Variants in VCP observed in about 807,000 individuals in gnomAD.
VCP encodes the protein transitional endoplasmic reticulum ATPase.
In VCP, 6 loss-of-function variants were observed where a neutral mutation model predicts 85.7. The observed-to-expected ratio is 0.07, with a 90% CI of 0.04 to 0.14. VCP has a LOEUF of 0.14. Among genes scored for constraint, VCP ranks in the 10% least tolerant of loss-of-function variants. The pLI, the probability that VCP is intolerant of heterozygous loss-of-function variation, is 1.00. For synonymous variants in VCP, 384 were observed against 367.1 expected (o/e 1.05, Z -0.53); for missense variants, 353 against 1,043.4 (o/e 0.34, Z 9.12).
At position 35,057,193 on chromosome 9, in the gene VCP, C is replaced by A. The variant is rs1828626335; in HGVS notation, c.2345G>T (p.Gly782Val). The change falls in exon 17 of 17, where the codon GGC (glycine) becomes GTC (valine). Residue 782 changes from glycine (G) to valine (V), a missense_variant. Coordinates refer to ENST00000358901, the MANE Select transcript of VCP (RefSeq NM_007126.5). ...RFPSGNQGGA[G>V]PSQGSGGGTG... The stretch of plus-strand genomic sequence containing the variant: ...GCCGCCTCCACTGCCCTGACTGGGG[C>A]CAGCTCCACCCTGGTTCCCTGAAGG... 4 of 1,614,206 alleles carry A rather than the reference C, an allele frequency of 2.5e-6. No homozygotes were observed. Among genetic ancestry groups the A allele is most frequent in the Non-Finnish European group, 3.4e-6 (4 of 1,180,044 alleles).
At chr9:35,058,208 AGTT>A (rs997585900) in intron 15 of VCP, among the ~76,000 whole-genome samples, 6 of 152,188 alleles carry the variant, frequency 3.9e-5, no homozygotes, top group African/African-American at 1.4e-4. Context: ...GTTCATCAGT[AGTT>A]GTTAAGCTTT....
chr9:35,071,220 G>A (rs1179982847), intron 1 of VCP, among the ~76,000 whole-genome samples: 1 of 149,640 alleles, frequency 6.7e-6, no homozygotes, highest in East Asian at 2.0e-4. Context: ...TTGAGAAAAA[G>A]GAACACACCT....
In VCP at chr9:35,062,325, A is replaced by G; in HGVS notation, c.837T>C (p.Ala279=). ...TACGAAGGTTGCTCTCAGACTCACC[A>G]GCCAATTTGCTCATGATCTCAGGAC... ...INGPEIMSKL[A]GESESNLRKA... The change falls in exon 8 of 17, where the codon GCT becomes GCC. Residue 279 remains alanine, a synonymous_variant. Coordinates refer to ENST00000358901, the MANE Select transcript of VCP (RefSeq NM_007126.5). 6.2e-7 allele frequency: 1 copy of G among 1,614,188 alleles called. No homozygotes were observed. The highest frequency in any genetic ancestry group is 8.5e-7 in the Non-Finnish European group (1 of 1,180,040).
At chr9:35,061,515 C>G in intron 10 of VCP, 62 bp downstream of exon 10, 3 of 1,450,940 alleles carry the variant, frequency 2.1e-6, no homozygotes, top group South Asian at 1.1e-5. Flanking sequence ...ATGTCTCTAG[C>G]CAGTTCCCAG....
At chr9:35,065,517 A>G (rs914815656) in intron 4 of VCP, 136 bp from the exon 5 acceptor site, 20 of 1,115,746 alleles carry the variant, frequency 1.8e-5, no homozygotes, top group East Asian at 7.7e-5. Context: ...CCTCTCCCCA[A>G]CTCCACCCCA....
In VCP at chr9:35,065,241, G is replaced by A. The variant is rs757728490; in HGVS notation, c.576+10C>T. 6 of 1,614,018 alleles carry A rather than the reference G, an allele frequency of 3.7e-6. No homozygotes were observed. In the African/African-American group the frequency reaches 8.0e-5, roughly 22 times the overall value. Reference sequence around the variant, plus strand: ...TAAAATCGGATACTGGAATCAGGGAGAAAACTCACCTCTCGTTTGATAGGC... The same window carrying A: ...TAAAATCGGATACTGGAATCAGGGAAAAAACTCACCTCTCGTTTGATAGGC... On this transcript the variant is annotated intron_variant, in intron 5 of 16. Coordinates refer to ENST00000358901, the MANE Select transcript of VCP (RefSeq NM_007126.5).
In VCP at chr9:35,066,891, G is replaced by A. The variant is rs906376036; in HGVS notation, c.303-74C>T. 8 of 1,607,288 alleles carry A rather than the reference G, an allele frequency of 5.0e-6. No homozygotes were observed. The African/African-American group carries it at 9.4e-5, about 19-fold the overall frequency. On this transcript the variant is annotated intron_variant, in intron 3 of 16. Coordinates refer to ENST00000358901, the MANE Select transcript of VCP (RefSeq NM_007126.5). ...AGCACTGGGTGTCCAAAAGGGCCTGGCACAGATAGCTGATAGTAAGTGAAA... is the reference window on the plus strand; with the variant it reads ...AGCACTGGGTGTCCAAAAGGGCCTGACACAGATAGCTGATAGTAAGTGAAA...
intron 9 of VCP, 46 bp from the exon 10 acceptor site, chr9:35,061,735 G>A (rs371819773): frequency 1.3e-6 from 2 of 1,523,572 alleles, no homozygotes; most frequent in African/African-American, 1.4e-5. Flanking sequence ...CTCTAGTCCA[G>A]AGGTAAGAGA....
intron 1 of VCP, among the ~76,000 whole-genome samples, chr9:35,068,840 T>A (rs747942668): frequency 1.3e-5 from 2 of 152,198 alleles, no homozygotes; most frequent in Non-Finnish European, 2.9e-5. Context: ...AAAGAAGGAA[T>A]ATAATACTTA....
chr9:35,069,401 C>T (rs564539001), intron 1 of VCP, among the ~76,000 whole-genome samples: 2 of 151,374 alleles, frequency 1.3e-5, no homozygotes, highest in East Asian at 1.9e-4. Context: ...TTACCTAGCC[C>T]GTTTCCAGCT....
chr9:35,068,478 G>A, intron 1 of VCP, 116 bp from the exon 2 acceptor site: 1 of 984,332 alleles, frequency 1.0e-6, no homozygotes, highest in African/African-American at 1.6e-5. Flanking sequence ...AGACCAGAAA[G>A]CTCAGATGAA....
chr9:35,064,115 C>G (rs781569592), intron 6 of VCP, 39 bp downstream of exon 6: 2 of 1,613,754 alleles, frequency 1.2e-6, no homozygotes, highest in Non-Finnish European at 1.7e-6. Flanking sequence ...TAGACATTGG[C>G]ACCACTTTAG....
Position 35,059,976 on chromosome 9 carries a change from T to C in VCP, c.1696-175A>G. The C allele has an allele frequency of 1.2e-6, 1 of 824,238 alleles. No individual in the cohort carries two copies. Among genetic ancestry groups the C allele is most frequent in the East Asian group, 2.7e-5 (1 of 37,492 alleles). 51.1% of individuals were successfully genotyped at this position (824,238 alleles called of 1,614,324 possible). On this transcript the variant is annotated intron_variant, in intron 13 of 16. Coordinates refer to ENST00000358901, the MANE Select transcript of VCP (RefSeq NM_007126.5). The surrounding 1 kb of genome is among the most constrained non-coding windows in gnomAD (Gnocchi z 4.9). Reference sequence around the variant, plus strand: ...ACTGAGACTTTGTCTCTACAAAAAATAAAAAATTAGCCAGATGTGGTGACG... The same window carrying C: ...ACTGAGACTTTGTCTCTACAAAAAACAAAAAATTAGCCAGATGTGGTGACG...
chr9:35,070,873 G>A (rs1563982420), intron 1 of VCP, among the ~76,000 whole-genome samples: 1 of 152,204 alleles, frequency 6.6e-6, no homozygotes, highest in East Asian at 1.9e-4. Context: ...TACCTACTGA[G>A]ATCAGATGTG....
At chr9:35,065,190 C>A in intron 5 of VCP, 61 bp downstream of exon 5, 1 of 1,612,286 alleles carries the variant, frequency 6.2e-7, no homozygotes, top group South Asian at 1.1e-5. Context: ...CTGACAGTTA[C>A]CACATGATGC....
Position 35,059,862 on chromosome 9 carries a change from G to C in VCP, c.1696-61C>G. The C allele has an allele frequency of 1.9e-6, 3 of 1,608,772 alleles. No individual in the cohort carries two copies. Among genetic ancestry groups the C allele is most frequent in the Non-Finnish European group, 1.7e-6 (2 of 1,175,944 alleles). On this transcript the variant is annotated intron_variant, in intron 13 of 16. Transcript: ENST00000358901. This position sits in a 1 kb window ranked among gnomAD's most constrained non-coding sequence, Gnocchi z 4.9. ...AACTAGATGTCTCTAGGCAAACGTG[G>C]TGGCTCACACCTGTATTCCCAGCAC...
intron 1 of VCP, chr9:35,072,059 C>G (rs1223119762): frequency 1.6e-6 from 2 of 1,264,236 alleles, no homozygotes; most frequent in Admixed American, 9.1e-5. Context: ...TCTAAGGGAG[C>G]CAATCGGGCG....
chr9:35,066,958 A>C, intron 3 of VCP, 141 bp from the exon 4 acceptor site: 1 of 1,367,196 alleles, frequency 7.3e-7, no homozygotes, highest in South Asian at 1.2e-5. Flanking sequence ...AGGAAGGAGA[A>C]CAGGGTGGAA....
chr9:35,071,075 T>C lies in VCP; in HGVS notation c.17+1262A>G, dbSNP rs10118503. 9.2e-3 allele frequency among the ~76,000 whole-genome samples: 1,395 copies of C among 152,332 alleles called. 21 individuals are homozygous for C. Among genetic ancestry groups the C allele is most frequent in the African/African-American group, 0.031 (1,290 of 41,566 alleles). On this transcript the variant is annotated intron_variant, in intron 1 of 16. Transcript: ENST00000358901. ...CCAAGAGGTTAGAAACAGCTGATGA[T>C]GCCAGGTTCCAAGAATTTTAGATTT...
Sources: allele counts gnomAD v4.1 joint callset (sites outside exome capture counted in the v4.1 genomes callset), GRCh38; gene constraint gnomAD v4.1.1; non-coding constraint Gnocchi (gnomAD v3.1); transcripts MANE v1.5; gene names NCBI Gene and HGNC (gene_info 2026-07-23, HGNC 2026-07-21).